Variants in DNM3 observed in about 807,000 individuals in gnomAD.
DNM3 encodes dynamin-3.
DNM3 carries 47 observed loss-of-function variants against 101.6 expected under a neutral mutation model. That is an observed-to-expected ratio of 0.46 (90% CI 0.37 to 0.59). The LOEUF is 0.59. Among genes scored for constraint, DNM3 ranks in the 20% least tolerant of loss-of-function variants. The pLI is 0.00. For synonymous variants in DNM3, 385 were observed against 387.9 expected, an observed-to-expected ratio of 0.99 and a Z score of 0.09; for missense variants, 849 against 1,085.7, an observed-to-expected ratio of 0.78 and a Z score of 3.06.
chr1:172,200,476 T>C (rs189506412), intron 14 of DNM3, among the ~76,000 whole-genome samples: 3 of 152,306 alleles, frequency 2.0e-5, no homozygotes, highest in Non-Finnish European at 2.9e-5. Context: ...GAAGTTTTTA[T>C]GGACAATATC....
chr1:172,274,246 C>T (rs2063192344), intron 15 of DNM3, among the ~76,000 whole-genome samples: 1 of 151,962 alleles, frequency 6.6e-6, no homozygotes, highest in Admixed American at 6.6e-5. Context: ...CTTTAACTAC[C>T]ATTGCTCTTT....
intron 17 of DNM3, among the ~76,000 whole-genome samples, chr1:172,360,020 TCTA>T (rs1272846362): frequency 3.9e-5 from 6 of 152,076 alleles, no homozygotes; most frequent in African/African-American, 1.4e-4. Flanking sequence ...GATAGTTTAG[TCTA>T]CTATTTAGTC....
intron 18 of DNM3, chr1:172,386,869 TG>T (rs1380322991): frequency 2.4e-6 from 1 of 413,776 alleles, no homozygotes; most frequent in Non-Finnish European, 4.5e-6. Context: ...GTTCTGGTGA[TG>T]GCTGGGTTTG....
At chr1:172,254,801 G>T (rs916030764) in intron 15 of DNM3, among the ~76,000 whole-genome samples, 1 of 152,078 alleles carries the variant, frequency 6.6e-6, no homozygotes, top group Admixed American at 6.6e-5. Flanking sequence ...GACTAGAGAA[G>T]TATAAAAGGG....
intron 4 of DNM3, among the ~76,000 whole-genome samples, chr1:172,009,122 A>AAT (rs59549770): frequency 7.2e-6 from 1 of 138,064 alleles, no homozygotes; most frequent in Non-Finnish European, 1.5e-5. Flanking sequence ...TATATCATAT[A>AAT]ATATATATAT....
At chr1:172,267,262 A>G (rs73030924) in intron 15 of DNM3, among the ~76,000 whole-genome samples, 6,672 of 152,294 alleles carry the variant, frequency 0.044, 444 homozygotes, top group African/African-American at 0.14. Flanking sequence ...TGTGAGCTCA[A>G]TAGCATGAGG....
chr1:172,407,946 T>A lies in DNM3; in HGVS notation c.*105T>A. ...GAGTAGTCGCATGTGTGGACATCAG[T>A]AGGCAAGTAACCAGTTTTACTAATG... On this transcript the variant is annotated 3_prime_UTR_variant, in exon 21 of 21. Transcript: ENST00000627582. The A allele has an allele frequency of 6.3e-7, 1 of 1,588,368 alleles. No homozygotes were observed. The highest frequency in any genetic ancestry group is 1.1e-5 in the South Asian group (1 of 89,868).
chr1:172,144,591 T>G (rs368303338), intron 14 of DNM3: 4 of 533,620 alleles, frequency 7.5e-6, no homozygotes, highest in Non-Finnish European at 1.5e-5. Flanking sequence ...GGCATTGTCC[T>G]GAACAGGTAG....
At chr1:172,001,100 T>C (rs1321542827) in intron 4 of DNM3, among the ~76,000 whole-genome samples, 2 of 151,884 alleles carry the variant, frequency 1.3e-5, no homozygotes, top group Non-Finnish European at 2.9e-5. Flanking sequence ...TGGCCATAGA[T>C]TGAAGAGAAT....
At position 172,003,436 on chromosome 1, in the gene DNM3, A is replaced by C. The variant is rs191328847; in HGVS notation, c.589+14288A>C. Among the ~76,000 whole-genome samples, 481 of 152,116 alleles carry C rather than the reference A, an allele frequency of 3.2e-3. 4 individuals carry two copies. Among genetic ancestry groups the C allele is most frequent in the Non-Finnish European group, 4.5e-3 (309 of 67,956 alleles). Reference sequence around the variant, plus strand: ...AGATTCATACAGTTATTTTGTTGGCAGTGTAAATAAAATATGACAATGAAA... The same window carrying C: ...AGATTCATACAGTTATTTTGTTGGCCGTGTAAATAAAATATGACAATGAAA... On this transcript the variant is annotated intron_variant, in intron 4 of 20. Coordinates refer to ENST00000627582, the MANE Select transcript of DNM3 (RefSeq NM_015569.5).
intron 15 of DNM3, among the ~76,000 whole-genome samples, chr1:172,287,283 G>A (rs1308442143): frequency 6.6e-6 from 1 of 152,180 alleles, no homozygotes; most frequent in Admixed American, 6.5e-5. Flanking sequence ...TATATTGTGA[G>A]AGGTTTCTAC....
intron 2 of DNM3, among the ~76,000 whole-genome samples, chr1:171,947,602 T>G (rs2042248756): frequency 6.6e-6 from 1 of 152,170 alleles, no homozygotes; most frequent in Admixed American, 6.6e-5. Flanking sequence ...ATAACTTCCC[T>G]TAATATTTAT....
chr1:172,201,018 A>G (rs1341196511), intron 14 of DNM3, among the ~76,000 whole-genome samples: 1 of 152,120 alleles, frequency 6.6e-6, no homozygotes, highest in African/African-American at 2.4e-5. Flanking sequence ...TAATGGCAGT[A>G]TAGATTGAGT....
chr1:172,334,382 A>C (rs1181757076), intron 17 of DNM3, among the ~76,000 whole-genome samples: 1 of 152,182 alleles, frequency 6.6e-6, no homozygotes, highest in African/African-American at 2.4e-5. Flanking sequence ...GGGAAGTTAC[A>C]ACTGGCATTT....
chr1:172,134,135 G>C (rs1463820525), intron 14 of DNM3, among the ~76,000 whole-genome samples: 1 of 152,166 alleles, frequency 6.6e-6, no homozygotes, highest in East Asian at 1.9e-4. Flanking sequence ...AGAGGATGGT[G>C]GCTGGGTAGT....
chr1:172,412,157 G>A lies in DNM3; in HGVS notation c.*4316G>A. On this transcript the variant is annotated 3_prime_UTR_variant, in exon 21 of 21. Coordinates refer to ENST00000627582, the MANE Select transcript of DNM3 (RefSeq NM_015569.5). Reference sequence around the variant, plus strand: ...AAGACCTGTTCATACTGGTATATTGGTGAGACTTCTCACTTCTGGTTGGAG... The same window carrying A: ...AAGACCTGTTCATACTGGTATATTGATGAGACTTCTCACTTCTGGTTGGAG... The A allele has an allele frequency of 1.0e-6, 1 of 985,736 alleles. No individual in the cohort carries two copies. The highest frequency in any genetic ancestry group is 1.2e-6 in the Non-Finnish European group (1 of 829,882). The allele number at this position is 985,736 out of a possible 1,614,324, so 61.1% of individuals were successfully genotyped here.
intron 14 of DNM3, among the ~76,000 whole-genome samples, chr1:172,149,893 C>T (rs1572729716): frequency 6.6e-6 from 1 of 152,090 alleles, no homozygotes; most frequent in East Asian, 1.9e-4. Flanking sequence ...ATAATGGCTA[C>T]AAGGAAGCAT....
At chr1:172,152,245 A>C (rs1215043034) in intron 14 of DNM3, among the ~76,000 whole-genome samples, 1 of 151,564 alleles carries the variant, frequency 6.6e-6, no homozygotes, top group Non-Finnish European at 1.5e-5. Context: ...GCCAGTTTGA[A>C]GATAATGGAC....
chr1:171,885,009 T>C (rs1421751070), intron 1 of DNM3, among the ~76,000 whole-genome samples: 11 of 152,200 alleles, frequency 7.2e-5, no homozygotes, highest in Non-Finnish European at 1.6e-4. Context: ...GATCCTATCA[T>C]GTTGCTTGGC....
Sources: allele counts gnomAD v4.1 joint callset (sites outside exome capture counted in the v4.1 genomes callset), GRCh38; gene constraint gnomAD v4.1.1; transcripts MANE v1.5; gene names NCBI Gene and HGNC (gene_info 2026-07-23, HGNC 2026-07-21).